Variants in IQGAP2 observed in about 807,000 individuals in gnomAD.
IQGAP2 encodes IQ motif containing GTPase activating protein 2.
IQGAP2 carries 173 observed loss-of-function variants against 201.3 expected under a neutral mutation model. The ratio of observed to expected loss-of-function variants is 0.86; its 90% CI spans 0.76 to 0.98. The LOEUF (loss-of-function observed/expected upper bound fraction) is 0.98. IQGAP2 is among the 50% of genes least tolerant of loss of function. The pLI is 0.00. For missense variants in IQGAP2, 1,687 were observed against 1,864.8 expected, an observed-to-expected ratio of 0.90 and a Z score of 1.76; for synonymous variants, 675 against 673.9, an observed-to-expected ratio of 1.00 and a Z score of -0.03.
chr5:76,445,873 T>C (rs1387198378), intron 1 of IQGAP2, among the ~76,000 whole-genome samples: 2 of 152,124 alleles, frequency 1.3e-5, no homozygotes, highest in African/African-American at 2.4e-5. Flanking sequence ...CCCAGCAACC[T>C]CTATTCTACT....
chr5:76,552,084 T>C (rs940295326), intron 2 of IQGAP2, among the ~76,000 whole-genome samples: 4 of 152,182 alleles, frequency 2.6e-5, no homozygotes, highest in African/African-American at 9.6e-5. Flanking sequence ...GTGAGAGTAG[T>C]AGCTTTAGGG....
intron 32 of IQGAP2, among the ~76,000 whole-genome samples, chr5:76,697,098 A>G (rs1746818525): frequency 6.6e-6 from 1 of 152,244 alleles, no homozygotes; most frequent in African/African-American, 2.4e-5. Context: ...GCAAGTTTAA[A>G]TTTAGCATAG....
At chr5:76,631,428 A>G (rs1750695011) in intron 14 of IQGAP2, among the ~76,000 whole-genome samples, 1 of 152,150 alleles carries the variant, frequency 6.6e-6, no homozygotes. Context: ...TTAGCACTAT[A>G]CAAGAGAATA....
chr5:76,477,745 G>A (rs990485075), intron 2 of IQGAP2, among the ~76,000 whole-genome samples: 29 of 152,210 alleles, frequency 1.9e-4, no homozygotes, highest in Admixed American at 9.2e-4. Context: ...GGAGATAACA[G>A]CTCCATGCAG....
intron 13 of IQGAP2, among the ~76,000 whole-genome samples, chr5:76,626,270 C>CTTTT (rs34251090): frequency 0.069 from 5,755 of 83,514 alleles, 742 homozygotes; most frequent in African/African-American, 0.089. Context: ...TTCTTCTTTT[C>CTTTT]TTTTTTTTTT....
intron 5 of IQGAP2, among the ~76,000 whole-genome samples, 166 bp downstream of exon 5, chr5:76,575,935 T>A (rs74923681): frequency 6.6e-6 from 1 of 152,326 alleles, no homozygotes; most frequent in East Asian, 1.9e-4. Context: ...TGGTCACATA[T>A]AAGCAATTCT....
chr5:76,490,565 T>C (rs1295390510), intron 2 of IQGAP2, among the ~76,000 whole-genome samples: 1 of 152,170 alleles, frequency 6.6e-6, no homozygotes, highest in Admixed American at 6.5e-5. Context: ...GAATGAAAGA[T>C]TCAACAATAA....
chr5:76,428,436 T>C (rs1752136363), intron 1 of IQGAP2, among the ~76,000 whole-genome samples: 1 of 150,358 alleles, frequency 6.7e-6, no homozygotes, highest in Admixed American at 6.6e-5. Context: ...AATCCTTTTT[T>C]CTTTTTTTTT....
chr5:76,683,772 A>G lies in IQGAP2; in HGVS notation c.3764-4A>G, dbSNP rs562466788. The G allele has an allele frequency of 3.7e-6, 6 of 1,607,252 alleles. No homozygotes were observed. Among genetic ancestry groups the G allele is most frequent in the East Asian group, 2.2e-5 (1 of 44,688 alleles). ...AAAAATAACACTAGGTTTTTTCCCT[A>G]CAGGGGAAGGAGCAGTTGACCCCAA... is the stretch of plus-strand genomic sequence containing the variant. On this transcript the variant is annotated splice_region_variant and splice_polypyrimidine_tract_variant and intron_variant, in intron 29 of 35. Transcript: ENST00000274364.
chr5:76,578,407 G>T (rs1179663429), intron 5 of IQGAP2, among the ~76,000 whole-genome samples: 3 of 152,060 alleles, frequency 2.0e-5, no homozygotes, highest in Non-Finnish European at 4.4e-5. Flanking sequence ...CCACCTTCCG[G>T]GTTCAGGTGA....
At chr5:76,496,761 CTT>C (rs368129209) in intron 2 of IQGAP2, among the ~76,000 whole-genome samples, 2 of 89,048 alleles carry the variant, frequency 2.2e-5, no homozygotes, top group African/African-American at 5.9e-5. Context: ...TTCTTTCTTT[CTT>C]TCTTTCTTTC....
At chr5:76,632,079 G>C in intron 15 of IQGAP2, 53 bp downstream of exon 15, 1 of 1,389,912 alleles carries the variant, frequency 7.2e-7, no homozygotes. Context: ...TATCATTTCT[G>C]TGGTATTATA....
chr5:76,678,484 G>T (rs1330658116), intron 28 of IQGAP2, among the ~76,000 whole-genome samples: 4 of 151,816 alleles, frequency 2.6e-5, no homozygotes, highest in Admixed American at 2.6e-4. Flanking sequence ...AGATCAATTG[G>T]AACTTATTTC....
chr5:76,658,198 G>A (rs1306589170), intron 20 of IQGAP2, among the ~76,000 whole-genome samples: 2 of 152,186 alleles, frequency 1.3e-5, no homozygotes, highest in African/African-American at 4.8e-5. Flanking sequence ...AACAGTGTGA[G>A]AGAGAGCTGA....
intron 2 of IQGAP2, among the ~76,000 whole-genome samples, chr5:76,511,661 GT>G (rs957301443): frequency 6.4e-4 from 94 of 147,678 alleles, no homozygotes; most frequent in African/African-American, 2.2e-3. Context: ...TCTTAAATGA[GT>G]TTTTTTTTGT....
At chr5:76,691,857 C>T (rs556677153) in intron 30 of IQGAP2, 1 of 152,302 alleles carries the variant, frequency 6.6e-6, no homozygotes, top group South Asian at 2.1e-4. Flanking sequence ...TTGTAATTAA[C>T]TTGAAGGGTT....
At chr5:76,540,711 T>C (rs556457383) in intron 2 of IQGAP2, among the ~76,000 whole-genome samples, 1 of 152,294 alleles carries the variant, frequency 6.6e-6, no homozygotes, top group South Asian at 2.1e-4. Flanking sequence ...GGAAAAGATG[T>C]TCCCTCCTCC....
intron 15 of IQGAP2, among the ~76,000 whole-genome samples, chr5:76,634,366 A>T (rs974399411): frequency 1.3e-5 from 2 of 151,890 alleles, no homozygotes; most frequent in African/African-American, 4.8e-5. Context: ...GGTTCAAGCA[A>T]TTCTGCCTCA....
In IQGAP2 at chr5:76,673,988, T is replaced by C; in HGVS notation, c.3246T>C (p.Asn1082=). ...GLRYIAKVLK[N]SIHEKFPDAT... is the part of the protein sequence containing the mutation. ...GGTATATAGCCAAAGTACTGAAGAA[T>C]TCGATCCATGAGAAATTCCCCGATG... Residue 1082 remains asparagine (N), a synonymous_variant, in exon 26 of 36, where the codon AAT becomes AAC. Transcript: ENST00000274364. 1.9e-6 allele frequency: 3 copies of C among 1,608,968 alleles called. No individual in the cohort carries two copies. Among genetic ancestry groups the C allele is most frequent in the Non-Finnish European group, 2.6e-6 (3 of 1,175,416 alleles).
Sources: gnomAD v4.1 joint callset for allele counts (sites outside exome capture counted in the v4.1 genomes callset) on GRCh38, gnomAD v4.1.1 for gene constraint, MANE v1.5 for transcripts, NCBI Gene and HGNC (gene_info 2026-07-23, HGNC 2026-07-21) for gene names.